SBF2: variants seen among roughly 807,000 people sequenced by gnomAD.
SBF2 encodes myotubularin-related protein 13.
SBF2 carries 112 observed loss-of-function variants against 225.2 expected under a neutral mutation model. That is an observed-to-expected ratio of 0.50 (90% confidence interval 0.43 to 0.58). SBF2 has a LOEUF of 0.58. Ranked by LOEUF, SBF2 falls within the 20% of genes least tolerant of loss-of-function variation. SBF2 has a pLI of 0.00. For synonymous variants in SBF2, 763 were observed against 773.3 expected (o/e 0.99, Z 0.22); for missense variants, 1,996 against 2,206.2 (o/e 0.90, Z 1.91).
intron 13 of SBF2, among the ~76,000 whole-genome samples, chr11:9,976,066 CTTCTTCT>C (rs1946664931): frequency 2.1e-5 from 3 of 141,766 alleles, no homozygotes; most frequent in Non-Finnish European, 4.6e-5. Context: ...TCTTCTTCTT[CTTCTTCT>C]TTTTTTTTTT....
intron 2 of SBF2, among the ~76,000 whole-genome samples, chr11:10,183,097 G>C (rs1956802028): frequency 6.6e-6 from 1 of 152,036 alleles, no homozygotes; most frequent in African/African-American, 2.4e-5. Context: ...GTGGAGACAG[G>C]GTTTCACCAT....
At chr11:10,198,528 A>G (rs1050985884) in intron 1 of SBF2, among the ~76,000 whole-genome samples, 1 of 152,246 alleles carries the variant, frequency 6.6e-6, no homozygotes, top group African/African-American at 2.4e-5. Context: ...AATTTTCAGA[A>G]TGGTAAATGA....
intron 17 of SBF2, among the ~76,000 whole-genome samples, chr11:9,884,966 T>C (rs1045266000): frequency 6.6e-6 from 1 of 152,058 alleles, no homozygotes; most frequent in Non-Finnish European, 1.5e-5. Context: ...ATAGTGTAAT[T>C]ATGGCCTGGC....
chr11:10,292,786 A>C (rs1439019057), intron 1 of SBF2, among the ~76,000 whole-genome samples: 1 of 152,206 alleles, frequency 6.6e-6, no homozygotes, highest in Non-Finnish European at 1.5e-5. Context: ...TAATCTTGAT[A>C]GAAAAGAAAC....
chr11:9,809,104 A>T, intron 30 of SBF2, 102 bp from the exon 31 acceptor site: 1 of 805,500 alleles, frequency 1.2e-6, no homozygotes, highest in East Asian at 2.6e-5. Flanking sequence ...ACTTAGGGAT[A>T]AAGCGCTTGC....
intron 17 of SBF2, among the ~76,000 whole-genome samples, chr11:9,868,650 T>A (rs1473790627): frequency 1.3e-5 from 2 of 152,258 alleles, no homozygotes; most frequent in Non-Finnish European, 2.9e-5. Flanking sequence ...GTTTGTATAT[T>A]GCTAGCATCA....
At chr11:9,813,970 G>A (rs140649775) in intron 29 of SBF2, among the ~76,000 whole-genome samples, 147 of 151,942 alleles carry the variant, frequency 9.7e-4, no homozygotes, top group African/African-American at 3.0e-3. Flanking sequence ...AAAAAACCAC[G>A]AAAGGCTTTG....
At chr11:10,035,938 T>G (rs1447769150) in intron 3 of SBF2, among the ~76,000 whole-genome samples, 2 of 152,160 alleles carry the variant, frequency 1.3e-5, no homozygotes, top group African/African-American at 4.8e-5. Context: ...TATAAATCAT[T>G]CTACTATAAA....
intron 2 of SBF2, among the ~76,000 whole-genome samples, chr11:10,183,792 GC>G (rs2135295543): frequency 6.6e-6 from 1 of 152,280 alleles, no homozygotes; most frequent in East Asian, 1.9e-4. Flanking sequence ...AAAAATTTGA[GC>G]TCATAGAAGC....
chr11:10,185,067 A>G (rs754952818), intron 2 of SBF2, among the ~76,000 whole-genome samples: 6 of 150,320 alleles, frequency 4.0e-5, no homozygotes, highest in Non-Finnish European at 8.9e-5. Context: ...ATGTTGTAAC[A>G]TGTGTCAGAA....
At chr11:9,805,236 ACT>A (rs1424847798) in intron 32 of SBF2, among the ~76,000 whole-genome samples, 1 of 136,760 alleles carries the variant, frequency 7.3e-6, no homozygotes, top group Non-Finnish European at 1.6e-5. Context: ...ACAGAGTGAG[ACT>A]CTGTCTCAAA....
At chr11:10,044,766 G>T (rs1382538387) in intron 2 of SBF2, among the ~76,000 whole-genome samples, 1 of 152,194 alleles carries the variant, frequency 6.6e-6, no homozygotes, top group Non-Finnish European at 1.5e-5. Context: ...GACACGTCTT[G>T]TGCCATAGCA....
At chr11:9,905,532 T>C (rs1369261463) in intron 16 of SBF2, among the ~76,000 whole-genome samples, 1 of 152,184 alleles carries the variant, frequency 6.6e-6, no homozygotes, top group Non-Finnish European at 1.5e-5. Flanking sequence ...AATCTCTTTA[T>C]CCCAGGAGGA....
At chr11:9,885,124 G>A (rs981421590) in intron 17 of SBF2, among the ~76,000 whole-genome samples, 2 of 151,430 alleles carry the variant, frequency 1.3e-5, no homozygotes, top group African/African-American at 4.9e-5. Flanking sequence ...GGTGGTAGGC[G>A]CCTATAATCC....
Position 9,993,056 on chromosome 11 carries a change from G to T in SBF2, c.1101C>A (p.Phe367Leu). The change falls in exon 11 of 40, where the codon TTC (phenylalanine) becomes TTA (leucine). Residue 367 changes from phenylalanine (F) to leucine (L), a missense_variant. By Grantham distance (22) the Phe-to-Leu change is conservative. Transcript: ENST00000256190. Reference protein sequence around the residue: ...AVFLRLFAQLFQGYRSCLQLI... With the variant: ...AVFLRLFAQLLQGYRSCLQLI... ...GTTGCAGGCAGGATCTATATCCTTGGAAGAGTTGTGCAAATAATCTAAGGA... is the reference window on the plus strand; with the variant it reads ...GTTGCAGGCAGGATCTATATCCTTGTAAGAGTTGTGCAAATAATCTAAGGA... 1 of 1,612,604 alleles carries T rather than the reference G, an allele frequency of 6.2e-7. No homozygotes were observed. Among genetic ancestry groups the T allele is most frequent in the Non-Finnish European group, 8.5e-7 (1 of 1,179,688 alleles).
chr11:9,891,066 G>A (rs2134118763), intron 17 of SBF2, among the ~76,000 whole-genome samples: 1 of 152,116 alleles, frequency 6.6e-6, no homozygotes, highest in South Asian at 2.1e-4. Flanking sequence ...AACCCAGGAG[G>A]TAGAGGTTGC....
intron 33 of SBF2, 97 bp downstream of exon 33, chr11:9,795,734 A>G: frequency 6.9e-7 from 1 of 1,441,928 alleles, no homozygotes. Context: ...ACCTTAACTC[A>G]GCTTGTCAGT....
intron 13 of SBF2, among the ~76,000 whole-genome samples, chr11:9,972,079 C>T (rs1327803275): frequency 6.6e-6 from 1 of 152,142 alleles, no homozygotes; most frequent in African/African-American, 2.4e-5. Flanking sequence ...GATTTCAGAA[C>T]GCCTCGTTTC....
chr11:9,874,872 T>C (rs886799534), intron 17 of SBF2, among the ~76,000 whole-genome samples: 2 of 152,172 alleles, frequency 1.3e-5, no homozygotes, highest in African/African-American at 4.8e-5. Context: ...CCTATCAACC[T>C]TGAAGAGCCA....
Sources: allele counts gnomAD v4.1 joint callset (sites outside exome capture counted in the v4.1 genomes callset), GRCh38; gene constraint gnomAD v4.1.1; transcripts MANE v1.5; gene names NCBI Gene and HGNC (gene_info 2026-07-23, HGNC 2026-07-21).